ZC3H14: variants seen among roughly 807,000 people sequenced by gnomAD.
ZC3H14 encodes zinc finger CCCH domain-containing protein 14.
A neutral mutation model predicts 92.4 loss-of-function variants in ZC3H14; 31 were observed. The ratio of observed to expected loss-of-function variants is 0.34; its 90% CI spans 0.25 to 0.45. The LOEUF is 0.45. ZC3H14 is among the 20% of genes least tolerant of loss of function. The pLI is 1.00. For synonymous variants in ZC3H14, 321 were observed against 300.9 expected (o/e 1.07, Z -0.69); for missense variants, 781 against 897.3 (o/e 0.87, Z 1.66).
chr14:88,611,827 T>A lies in ZC3H14; in HGVS notation c.*76T>A. On this transcript the variant is annotated 3_prime_UTR_variant, in exon 17 of 17. Coordinates refer to ENST00000251038, the MANE Select transcript of ZC3H14 (RefSeq NM_024824.5). ...CTGATGAAAGATACTCTACAGAACT[T>A]GTCAAATCTTTGAAACTTGGAATAT... 6.3e-7 allele frequency: 1 copy of A among 1,591,844 alleles called. No homozygotes were observed. The highest frequency in any genetic ancestry group is 2.2e-5 in the East Asian group (1 of 44,732).
chr14:88,596,887 C>A, intron 10 of ZC3H14, 79 bp downstream of exon 10: 2 of 1,196,678 alleles, frequency 1.7e-6, no homozygotes, highest in Non-Finnish European at 2.5e-6. Context: ...TTTAACGTAT[C>A]TCGGATCTCT....
rs180680947 is a variant in ZC3H14, at chr14:88,623,422, G to T, written c.*11671G>T. On this transcript the variant is annotated 3_prime_UTR_variant, in exon 17 of 17. Coordinates refer to ENST00000251038, the MANE Select transcript of ZC3H14 (RefSeq NM_024824.5). Reference sequence around the variant, plus strand: ...ATTACAAATGCTATGCTACAGAGTTGATTTATTTATTTTTTTGAGACAGAG... The same window carrying T: ...ATTACAAATGCTATGCTACAGAGTTTATTTATTTATTTTTTTGAGACAGAG... The T allele has an allele frequency of 1.3e-5, 2 of 151,990 alleles. No individual in the cohort carries two copies. Among genetic ancestry groups the T allele is most frequent in the East Asian group, 1.9e-4 (1 of 5,136 alleles). 9.4% of individuals were successfully genotyped at this position (151,990 alleles called of 1,614,324 possible).
rs570301166 is a variant in ZC3H14 at position 88,602,768 on chromosome 14, G to A, written c.1515-60G>A. On this transcript the variant is annotated intron_variant, in intron 11 of 16. Coordinates refer to ENST00000251038, the MANE Select transcript of ZC3H14 (RefSeq NM_024824.5). Reference sequence around the variant, plus strand: ...ATAGTTCTGCTGAAGAGCACTTTAGGGGGCTCAGCGTTTTGTGTTTGTTTC... The same window carrying A: ...ATAGTTCTGCTGAAGAGCACTTTAGAGGGCTCAGCGTTTTGTGTTTGTTTC... 76 of 1,557,054 alleles carry A rather than the reference G, an allele frequency of 4.9e-5. No homozygotes were observed. The South Asian group carries it at 7.3e-4, about 15-fold the overall frequency.
intron 9 of ZC3H14, among the ~76,000 whole-genome samples, chr14:88,583,369 C>T (rs1185414960): frequency 5.3e-5 from 8 of 152,220 alleles, no homozygotes; most frequent in African/African-American, 1.7e-4. Flanking sequence ...CCTCTTGCCT[C>T]AGCCTCCCAA....
chr14:88,609,713 A>G lies in ZC3H14; in HGVS notation c.2007A>G (p.Ala669=), dbSNP rs2086227424. 1 of 1,614,012 alleles carries G rather than the reference A, an allele frequency of 6.2e-7. No homozygotes were observed. Among genetic ancestry groups the G allele is most frequent in the Admixed American group, 1.7e-5 (1 of 59,996 alleles). ...RRIPVLSPKP[A]VAPPAPPSSS... ...CAGTCCTGGTTTTTATTTTGTTAGC[A>G]GTTGCACCACCAGCACCACCTTCCA... The change falls in exon 15 of 17, where the codon GCA becomes GCG. Residue 669 remains alanine (A), a splice_region_variant and synonymous_variant. Coordinates refer to ENST00000251038, the MANE Select transcript of ZC3H14 (RefSeq NM_024824.5).
At chr14:88,575,568 C>T (rs974852171) in intron 7 of ZC3H14, among the ~76,000 whole-genome samples, 1 of 151,836 alleles carries the variant, frequency 6.6e-6, no homozygotes, top group Admixed American at 6.6e-5. Context: ...TTGTGGCAGG[C>T]ACCTGTAGTC....
At chr14:88,609,509 G>T in intron 14 of ZC3H14, 106 bp downstream of exon 14, 1 of 1,571,308 alleles carries the variant, frequency 6.4e-7, no homozygotes, top group South Asian at 1.1e-5. Flanking sequence ...AAATAATTTT[G>T]GCAGGATCAG....
intron 9 of ZC3H14, among the ~76,000 whole-genome samples, chr14:88,579,437 A>G (rs2081609036): frequency 6.6e-6 from 1 of 152,216 alleles, no homozygotes; most frequent in South Asian, 2.1e-4. Context: ...GTGCAGTGGC[A>G]GATGAGGCTG....
intron 3 of ZC3H14, among the ~76,000 whole-genome samples, 154 bp from the exon 4 acceptor site, chr14:88,570,930 A>G (rs1288550390): frequency 1.3e-5 from 2 of 152,218 alleles, no homozygotes; most frequent in Non-Finnish European, 2.9e-5. Flanking sequence ...AGCCTGGACA[A>G]CACAGTGAAA....
In ZC3H14 at chr14:88,620,957, A is replaced by G; in HGVS notation, c.*9206A>G. Reference sequence around the variant, plus strand: ...TTTAAAAAAAAAAAAAAAAAGAGTCATAGGAAACATTAAGTGAAGTACTTC... The same window carrying G: ...TTTAAAAAAAAAAAAAAAAAGAGTCGTAGGAAACATTAAGTGAAGTACTTC... On this transcript the variant is annotated 3_prime_UTR_variant, in exon 17 of 17. Transcript: ENST00000251038. The surrounding 1 kb of genome is among the most constrained non-coding windows in gnomAD (Gnocchi z 4.3). 1 of 1,470,188 alleles carries G rather than the reference A, an allele frequency of 6.8e-7. No individual in the cohort carries two copies. The highest frequency in any genetic ancestry group is 2.5e-5 in the East Asian group (1 of 40,312). 91.1% of individuals were successfully genotyped at this position (1,470,188 alleles called of 1,614,324 possible).
At position 88,573,147 on chromosome 14, in the gene ZC3H14, G is replaced by A. The variant is rs111789299; in HGVS notation, c.861+140G>A. ...TGTAATCCCAGGACTTTGGGAGGCC[G>A]AGGCGGGTGGATCACGAGGTCAGGA... On this transcript the variant is annotated intron_variant, in intron 6 of 16. Transcript: ENST00000251038. The A allele has an allele frequency of 6.2e-3, 5,676 of 908,192 alleles. 29 individuals are homozygous for A. Among genetic ancestry groups the A allele is most frequent in the African/African-American group, 7.9e-3 (482 of 60,826 alleles). The allele number at this position is 908,192 out of a possible 1,614,324, so 56.3% of individuals were successfully genotyped here.
chr14:88,587,642 C>T (rs2139844903), intron 9 of ZC3H14, among the ~76,000 whole-genome samples: 1 of 152,252 alleles, frequency 6.6e-6, no homozygotes, highest in Admixed American at 6.5e-5. Flanking sequence ...TAAGCATTTA[C>T]ACTGTTAAGA....
At chr14:88,563,294 G>A in intron 1 of ZC3H14, 125 bp downstream of exon 1, 5 of 1,530,400 alleles carry the variant, frequency 3.3e-6, no homozygotes, top group Non-Finnish European at 4.4e-6. Flanking sequence ...CTCCTGGCGG[G>A]CTGCGGCTCC....
At chr14:88,590,455 G>A (rs1008641173) in intron 9 of ZC3H14, 12 of 152,478 alleles carry the variant, frequency 7.9e-5, no homozygotes, top group Non-Finnish European at 1.3e-4. Flanking sequence ...TGGAAGAGCT[G>A]CGCGTCTCAG....
At chr14:88,577,938 C>T (rs568123304) in intron 8 of ZC3H14, 47 bp from the exon 9 acceptor site, 22 of 1,608,146 alleles carry the variant, frequency 1.4e-5, no homozygotes, top group South Asian at 7.7e-5. Flanking sequence ...GGAGTTTTGA[C>T]GTATTACTGC....
At chr14:88,608,127 C>A (rs1208447144) in intron 13 of ZC3H14, 2 of 369,866 alleles carry the variant, frequency 5.4e-6, no homozygotes, top group Non-Finnish European at 1.0e-5. Flanking sequence ...ACCATCCCCC[C>A]ATCTCATCCT....
intron 9 of ZC3H14, chr14:88,595,021 A>T: frequency 6.2e-7 from 1 of 1,613,760 alleles, no homozygotes; most frequent in Middle Eastern, 1.7e-4. Flanking sequence ...TGAATGCAAC[A>T]GACAGTTTGA....
chr14:88,599,987 A>C (rs182950869), intron 10 of ZC3H14, among the ~76,000 whole-genome samples: 2 of 152,134 alleles, frequency 1.3e-5, no homozygotes, highest in African/African-American at 4.8e-5. Context: ...TATGTTAAAC[A>C]CTTCTGTCAC....
rs1345033837 is a variant in ZC3H14, at chr14:88,623,114, C to T, written c.*11363C>T. 2 of 152,164 alleles carry T rather than the reference C, an allele frequency of 1.3e-5. No homozygotes were observed. Among genetic ancestry groups the T allele is most frequent in the African/African-American group, 2.4e-5 (1 of 40,990 alleles). The allele number at this position is 152,164 out of a possible 1,614,324, so 9.4% of individuals were successfully genotyped here. A position where few individuals can be genotyped will look rare whatever the true frequency, so the allele number is the denominator to read the frequency against. ...TATTGCAACCTCTGCCTCCCAGGTTCAAGCGATTCTCCTACCTCAGCCTCC... is the reference window on the plus strand; with the variant it reads ...TATTGCAACCTCTGCCTCCCAGGTTTAAGCGATTCTCCTACCTCAGCCTCC... On this transcript the variant is annotated 3_prime_UTR_variant, in exon 17 of 17. Coordinates refer to ENST00000251038, the MANE Select transcript of ZC3H14 (RefSeq NM_024824.5).
Sources: gnomAD v4.1 joint callset for allele counts (sites outside exome capture counted in the v4.1 genomes callset) on GRCh38, gnomAD v4.1.1 for gene constraint, Gnocchi (gnomAD v3.1) non-coding constraint, MANE v1.5 for transcripts, NCBI Gene and HGNC (gene_info 2026-07-23, HGNC 2026-07-21) for gene names.